Variants in ZCCHC7 observed in about 807,000 individuals in gnomAD.
ZCCHC7 encodes the protein zinc finger CCHC-type containing 7, also known as zinc finger CCHC domain-containing protein 7.
ZCCHC7 carries 35 observed loss-of-function variants against 52.0 expected under a neutral mutation model. The observed-to-expected ratio is 0.67, with a 90% CI of 0.51 to 0.89. ZCCHC7 has a LOEUF of 0.89. Ranked by LOEUF, ZCCHC7 falls within the 40% of genes least tolerant of loss-of-function variation. ZCCHC7 has a pLI of 0.00. For missense variants in ZCCHC7, 574 were observed against 649.1 expected (o/e 0.88, Z 1.26); for synonymous variants, 217 against 221.5 (o/e 0.98, Z 0.18).
chr9:37,193,536 A>G (rs573190323), intron 2 of ZCCHC7, among the ~76,000 whole-genome samples: 1 of 152,258 alleles, frequency 6.6e-6, no homozygotes, highest in African/African-American at 2.4e-5. Context: ...CACAAAAGTA[A>G]CTTTTCCAAG....
intron 2 of ZCCHC7, among the ~76,000 whole-genome samples, chr9:37,158,241 A>C (rs1043013154): frequency 6.6e-6 from 1 of 152,228 alleles, no homozygotes; most frequent in Non-Finnish European, 1.5e-5. Context: ...CTTAGAAACC[A>C]ATTAAAATGC....
chr9:37,276,033 C>A (rs958404421), intron 2 of ZCCHC7, among the ~76,000 whole-genome samples: 2 of 152,152 alleles, frequency 1.3e-5, no homozygotes, highest in Non-Finnish European at 2.9e-5. Flanking sequence ...TGCATCCTTG[C>A]GAACACATGA....
At chr9:37,153,811 G>T (rs1187978100) in intron 2 of ZCCHC7, among the ~76,000 whole-genome samples, 1 of 152,042 alleles carries the variant, frequency 6.6e-6, no homozygotes, top group East Asian at 1.9e-4. Context: ...ATTGGAGAAT[G>T]ATATTAGAAA....
At chr9:37,274,959 A>T (rs1349178063) in intron 2 of ZCCHC7, among the ~76,000 whole-genome samples, 3 of 152,130 alleles carry the variant, frequency 2.0e-5, no homozygotes, top group Non-Finnish European at 4.4e-5. Context: ...TTATGCATGC[A>T]GGTCGTTGGG....
chr9:37,294,712 T>C (rs2133653263), intron 2 of ZCCHC7, among the ~76,000 whole-genome samples: 1 of 152,272 alleles, frequency 6.6e-6, no homozygotes, highest in East Asian at 1.9e-4. Context: ...AATGTTTCCT[T>C]TTTTGCTTTT....
intron 2 of ZCCHC7, among the ~76,000 whole-genome samples, chr9:37,159,238 A>G (rs1472662434): frequency 2.0e-5 from 3 of 152,230 alleles, no homozygotes; most frequent in Non-Finnish European, 2.9e-5. Context: ...TCAGAATTCA[A>G]CTACAGTAAC....
At chr9:37,221,563 A>G (rs1317105235) in intron 2 of ZCCHC7, among the ~76,000 whole-genome samples, 5 of 152,244 alleles carry the variant, frequency 3.3e-5, no homozygotes, top group East Asian at 3.8e-4. Context: ...CACAGAGACT[A>G]TGGAATCTAA....
intron 5 of ZCCHC7, among the ~76,000 whole-genome samples, chr9:37,315,819 T>C (rs1341496362): frequency 2.5e-5 from 3 of 119,150 alleles, no homozygotes; most frequent in African/African-American, 9.4e-5. Flanking sequence ...GATGCTTATA[T>C]AGAACTTTTA....
At chr9:37,344,739 A>AT (rs200705210) in intron 6 of ZCCHC7, among the ~76,000 whole-genome samples, 7,754 of 152,240 alleles carry the variant, frequency 0.051, 649 homozygotes, top group African/African-American at 0.17. Context: ...TTTGTGTATT[A>AT]TTGGCTCTAT....
chr9:37,202,312 C>T (rs1823676131), intron 2 of ZCCHC7, among the ~76,000 whole-genome samples: 2 of 152,142 alleles, frequency 1.3e-5, no homozygotes, highest in South Asian at 4.1e-4. Flanking sequence ...GTGAGGTTAC[C>T]TCTTCTAGGA....
intron 2 of ZCCHC7, among the ~76,000 whole-genome samples, chr9:37,226,802 G>A (rs1244111841): frequency 6.6e-6 from 1 of 152,206 alleles, no homozygotes; most frequent in African/African-American, 2.4e-5. Context: ...ACACCGAGGC[G>A]GGTGGATCAC....
chr9:37,213,977 G>A (rs577630747), intron 2 of ZCCHC7, among the ~76,000 whole-genome samples: 1 of 151,840 alleles, frequency 6.6e-6, no homozygotes, highest in South Asian at 2.1e-4. Flanking sequence ...CCAATATTTG[G>A]TATGAGATTC....
intron 3 of ZCCHC7, among the ~76,000 whole-genome samples, chr9:37,303,494 A>C (rs1244067600): frequency 1.3e-5 from 2 of 151,652 alleles, no homozygotes; most frequent in African/African-American, 2.4e-5. Flanking sequence ...GCGGTGTCTA[A>C]GTGATGCATG....
chr9:37,207,773 G>C (rs1824002001), intron 2 of ZCCHC7, among the ~76,000 whole-genome samples: 1 of 151,772 alleles, frequency 6.6e-6, no homozygotes, highest in South Asian at 2.1e-4. Context: ...AAATATTTCA[G>C]ATACTATATT....
intron 2 of ZCCHC7, among the ~76,000 whole-genome samples, chr9:37,139,696 T>C (rs1843141657): frequency 6.6e-6 from 1 of 151,960 alleles, no homozygotes. Context: ...TGAAAATCAT[T>C]TGTACTTCCC....
intron 2 of ZCCHC7, among the ~76,000 whole-genome samples, chr9:37,217,421 C>T (rs1190222766): frequency 6.6e-6 from 1 of 152,006 alleles, no homozygotes; most frequent in Non-Finnish European, 1.5e-5. Context: ...CTTTTAGGAA[C>T]TCAAGCAGCC....
intron 2 of ZCCHC7, among the ~76,000 whole-genome samples, chr9:37,278,014 TTGTGTG>T (rs1554723029): frequency 5.5e-5 from 8 of 144,938 alleles, no homozygotes; most frequent in East Asian, 4.0e-4. Context: ...GTTTTTTTGT[TTGTGTG>T]TGTGTGTGTG....
upstream of ZCCHC7, chr9:37,120,527 C>G (rs1842254378): frequency 2.5e-6 from 1 of 398,964 alleles, no homozygotes; most frequent in African/African-American, 2.1e-5. Context: ...CCCGGGTCTG[C>G]GCGGACGCGG....
intron 2 of ZCCHC7, among the ~76,000 whole-genome samples, chr9:37,197,291 C>T (rs1228549525): frequency 5.3e-5 from 8 of 152,184 alleles, no homozygotes; most frequent in Non-Finnish European, 8.8e-5. Context: ...CTGGAAGCAG[C>T]TCTTATCTCT....
Sources: gnomAD v4.1 joint callset for allele counts (sites outside exome capture counted in the v4.1 genomes callset) on GRCh38, gnomAD v4.1.1 for gene constraint, MANE v1.5 for transcripts, NCBI Gene and HGNC (gene_info 2026-07-23, HGNC 2026-07-21) for gene names.